ANKRD31: variants seen among roughly 807,000 people sequenced by gnomAD.
ANKRD31 encodes the protein ankyrin repeat domain 31, also known as ankyrin repeat domain-containing protein 31.
A neutral mutation model predicts 186.0 loss-of-function variants in ANKRD31; 147 were observed. The ratio of observed to expected loss-of-function variants is 0.79; its 90% CI spans 0.69 to 0.91. ANKRD31 has a LOEUF of 0.91. Among genes scored for constraint, ANKRD31 ranks in the 40% least tolerant of loss-of-function variants. ANKRD31 has a pLI of 0.00. For missense variants in ANKRD31, 1,986 were observed against 2,148.8 expected (o/e 0.92, Z 1.50); for synonymous variants, 673 against 736.4 (o/e 0.91, Z 1.39).
intron 1 of ANKRD31, 88 bp downstream of exon 1, chr5:75,236,495 A>T (rs1758283216): frequency 9.3e-7 from 1 of 1,076,364 alleles, no homozygotes; most frequent in Non-Finnish European, 1.3e-6. Context: ...TCTGGTCACG[A>T]TCTCCACTCA....
intron 19 of ANKRD31, 78 bp from the exon 20 acceptor site, chr5:75,112,678 T>C (rs1747885355): frequency 3.5e-6 from 3 of 860,522 alleles, no homozygotes; most frequent in Non-Finnish European, 3.4e-6. Flanking sequence ...AAACACAGAG[T>C]AAATAAAATA....
chr5:75,088,554 C>T (rs1366144752), intron 23 of ANKRD31, among the ~76,000 whole-genome samples: 1 of 152,212 alleles, frequency 6.6e-6, no homozygotes, highest in Non-Finnish European at 1.5e-5. Context: ...ATGACTAAGG[C>T]TTTGCATACA....
At chr5:75,193,204 C>T (rs759658112) in intron 8 of ANKRD31, 107 bp downstream of exon 8, 64 of 1,243,678 alleles carry the variant, frequency 5.1e-5, no homozygotes, top group Non-Finnish European at 6.0e-5. Context: ...AAAAATAAAG[C>T]TCTTTCCCCT....
chr5:75,215,823 TA>T lies in ANKRD31; in HGVS notation c.289-4959del, dbSNP rs200667682. On this transcript the variant is annotated intron_variant, in intron 3 of 25. Transcript: ENST00000506364. ...TAATTCCAGTTGCAAAACAACAAAT[TA>T]AAAAAAAAACTCTGAGAAAGTACCT... Among the ~76,000 whole-genome samples the T allele has an allele frequency of 1.1e-3, 168 of 148,712 alleles. No homozygotes were observed. In the East Asian group the frequency reaches 0.025, roughly 22 times the overall value.
intron 17 of ANKRD31, among the ~76,000 whole-genome samples, chr5:75,133,792 G>T (rs542881141): frequency 1.3e-5 from 2 of 152,090 alleles, no homozygotes; most frequent in Non-Finnish European, 2.9e-5. Flanking sequence ...AAATATAAAA[G>T]AACGGAAATT....
chr5:75,156,361 T>C (rs1752174965), intron 11 of ANKRD31, among the ~76,000 whole-genome samples: 1 of 152,184 alleles, frequency 6.6e-6, no homozygotes, highest in African/African-American at 2.4e-5. Flanking sequence ...GGTGTATTAA[T>C]GTTAATTCAT....
chr5:75,089,431 C>T (rs1466792377), intron 23 of ANKRD31, among the ~76,000 whole-genome samples: 1 of 152,142 alleles, frequency 6.6e-6, no homozygotes, highest in African/African-American at 2.4e-5. Flanking sequence ...GGTCCCATAC[C>T]ACCCCCACCA....
chr5:75,232,353 G>A (rs56807265), intron 1 of ANKRD31, among the ~76,000 whole-genome samples: 32,362 of 151,796 alleles, frequency 0.21, 3,634 homozygotes, highest in South Asian at 0.39. Context: ...AACCTCCACC[G>A]CCCAGGTTCA....
intron 13 of ANKRD31, 62 bp from the exon 14 acceptor site, chr5:75,147,567 C>T: frequency 9.6e-7 from 1 of 1,042,432 alleles, no homozygotes. Context: ...TCAATTCAAT[C>T]TGGATTATTG....
intron 12 of ANKRD31, among the ~76,000 whole-genome samples, chr5:75,152,155 G>A (rs1479327215): frequency 6.6e-6 from 1 of 151,948 alleles, no homozygotes; most frequent in East Asian, 1.9e-4. Flanking sequence ...CCTTTCCAAG[G>A]TCTGGATCTT....
chr5:75,215,814 A>C (rs2150296955), intron 3 of ANKRD31, among the ~76,000 whole-genome samples: 1 of 152,162 alleles, frequency 6.6e-6, no homozygotes, highest in Non-Finnish European at 1.5e-5. Context: ...CAGTTGCAAA[A>C]CAACAAATTA....
At chr5:75,214,007 C>T (rs999596491) in intron 3 of ANKRD31, among the ~76,000 whole-genome samples, 2 of 152,184 alleles carry the variant, frequency 1.3e-5, no homozygotes, top group African/African-American at 4.8e-5. Context: ...TTTGAAGTAC[C>T]TGGATGAATT....
At chr5:75,130,021 G>A (rs935199585) in intron 17 of ANKRD31, among the ~76,000 whole-genome samples, 3 of 152,148 alleles carry the variant, frequency 2.0e-5, no homozygotes, top group Non-Finnish European at 2.9e-5. Context: ...GTGGACCCTC[G>A]TGGTGAGTGT....
At chr5:75,196,332 T>C in intron 6 of ANKRD31, 132 bp from the exon 7 acceptor site, 2 of 686,334 alleles carry the variant, frequency 2.9e-6, no homozygotes, top group East Asian at 6.2e-5. Context: ...TTCCTTCCCT[T>C]CCATAAATAA....
rs374981717 is a variant in ANKRD31, at chr5:75,179,727, A to G, written c.1564+8766T>C. On this transcript the variant is annotated intron_variant, in intron 10 of 25. Transcript: ENST00000506364. ...TCAATAAATTAGGTATTGATGGGACATATCTCAAAATTATAAGAGCTATCT... is the reference window on the plus strand; with the variant it reads ...TCAATAAATTAGGTATTGATGGGACGTATCTCAAAATTATAAGAGCTATCT... 5.3e-5 allele frequency among the ~76,000 whole-genome samples: 8 copies of G among 152,250 alleles called. No homozygotes were observed. The South Asian group carries it at 1.5e-3, about 28-fold the overall frequency.
chr5:75,084,158 A>C (rs949564292), intron 24 of ANKRD31, 114 bp downstream of exon 24: 2 of 773,858 alleles, frequency 2.6e-6, no homozygotes, highest in Non-Finnish European at 4.2e-6. Flanking sequence ...AGTTAATTAT[A>C]ATGATTGTTA....
At chr5:75,139,965 C>G (rs1026013759) in intron 15 of ANKRD31, among the ~76,000 whole-genome samples, 10 of 152,080 alleles carry the variant, frequency 6.6e-5, no homozygotes, top group African/African-American at 2.4e-4. Flanking sequence ...AAGCCAGGAA[C>G]CTGAAGGTTT....
chr5:75,120,676 A>G (rs139114471), intron 17 of ANKRD31, among the ~76,000 whole-genome samples: 43 of 152,306 alleles, frequency 2.8e-4, no homozygotes, highest in African/African-American at 9.1e-4. Context: ...GAACCAAATC[A>G]CAAAGACGCA....
chr5:75,177,877 A>G (rs1753941476), intron 10 of ANKRD31, among the ~76,000 whole-genome samples: 1 of 152,210 alleles, frequency 6.6e-6, no homozygotes, highest in African/African-American at 2.4e-5. Flanking sequence ...AAATTCAGAC[A>G]TAACAATATT....
Sources: gnomAD v4.1 joint callset for allele counts (sites outside exome capture counted in the v4.1 genomes callset) on GRCh38, gnomAD v4.1.1 for gene constraint, MANE v1.5 for transcripts, NCBI Gene and HGNC (gene_info 2026-07-23, HGNC 2026-07-21) for gene names.